PREX1: variants seen among roughly 807,000 people sequenced by gnomAD.
PREX1 encodes phosphatidylinositol-3,4,5-trisphosphate dependent Rac exchange factor 1.
In PREX1, 41 loss-of-function variants were observed where a neutral mutation model predicts 198.3. The ratio of observed to expected loss-of-function variants is 0.21; its 90% confidence interval spans 0.16 to 0.27. The LOEUF is 0.27. Ranked by LOEUF, PREX1 falls within the 10% of genes least tolerant of loss-of-function variation. The pLI is 1.00. For missense variants in PREX1, 1,620 were observed against 2,200.7 expected (o/e 0.74, Z 5.28); for synonymous variants, 843 against 887.2 (o/e 0.95, Z 0.89).
chr20:48,674,878 T>G (rs1280514806), intron 14 of PREX1, among the ~76,000 whole-genome samples: 1 of 152,198 alleles, frequency 6.6e-6, no homozygotes, highest in East Asian at 1.9e-4. Context: ...CACTGGGAAC[T>G]TTTTTGAAAG....
chr20:48,668,344 A>G (rs2089653376), intron 14 of PREX1, among the ~76,000 whole-genome samples: 1 of 152,204 alleles, frequency 6.6e-6, no homozygotes, highest in South Asian at 2.1e-4. Flanking sequence ...TCCCCGCTCA[A>G]TCCTAAGTGC....
At chr20:48,780,902 A>C (rs1182195484) in intron 1 of PREX1, among the ~76,000 whole-genome samples, 1 of 152,222 alleles carries the variant, frequency 6.6e-6, no homozygotes, top group Admixed American at 6.5e-5. Context: ...ATCTTAATTA[A>C]GTGTTAACAT....
chr20:48,792,965 A>T (rs529757795), intron 1 of PREX1, among the ~76,000 whole-genome samples: 1 of 152,066 alleles, frequency 6.6e-6, no homozygotes, highest in African/African-American at 2.4e-5. Context: ...CAGCACTTTG[A>T]GAGGCAAGTT....
At chr20:48,850,790 T>C in the PREX1 span, among the ~76,000 whole-genome samples, 3 of 152,262 alleles carry the variant, frequency 2.0e-5, no homozygotes, top group East Asian at 3.9e-4. Context: ...TCCGTGCCTC[T>C]GCACCTGCCA....
the PREX1 span, among the ~76,000 whole-genome samples, chr20:48,870,969 A>C: frequency 1.3e-4 from 5 of 38,328 alleles, no homozygotes; most frequent in African/African-American, 5.6e-4. Flanking sequence ...AAAAAAAAAA[A>C]AAAAAAAAAC....
intron 3 of PREX1, 87 bp downstream of exon 3, chr20:48,744,938 C>G: frequency 6.6e-7 from 1 of 1,521,996 alleles, no homozygotes; most frequent in Non-Finnish European, 8.9e-7. Flanking sequence ...ACAGAGGAAG[C>G]TGGTGAAGGC....
At chr20:48,637,680 T>C in intron 31 of PREX1, 31 bp downstream of exon 31, 1 of 1,589,698 alleles carries the variant, frequency 6.3e-7, no homozygotes, top group African/African-American at 1.3e-5. Context: ...AGGCCGGGTA[T>C]GTGCCCCCCA....
At chr20:48,824,904 G>A (rs917048542) in intron 1 of PREX1, among the ~76,000 whole-genome samples, 2 of 152,100 alleles carry the variant, frequency 1.3e-5, no homozygotes, top group Non-Finnish European at 2.9e-5. Flanking sequence ...AAGGACACAC[G>A]GAGACCAGGG....
At chr20:48,840,000 A>G in the PREX1 span, among the ~76,000 whole-genome samples, 1 of 152,064 alleles carries the variant, frequency 6.6e-6, no homozygotes, top group African/African-American at 2.4e-5. Context: ...GTTTATTACA[A>G]TTGCAATTAT....
At chr20:48,858,859 C>T in the PREX1 span, among the ~76,000 whole-genome samples, 1 of 152,178 alleles carries the variant, frequency 6.6e-6, no homozygotes, top group Non-Finnish European at 1.5e-5. Flanking sequence ...GTGCTACTCA[C>T]TGTACTGCGT....
chr20:48,887,811 G>T, the PREX1 span, among the ~76,000 whole-genome samples: 2 of 151,668 alleles, frequency 1.3e-5, no homozygotes, highest in Non-Finnish European at 2.9e-5. Flanking sequence ...TTAGCCGGGC[G>T]TGGTGGCGGG....
At chr20:48,841,115 T>C in the PREX1 span, among the ~76,000 whole-genome samples, 15 of 151,930 alleles carry the variant, frequency 9.9e-5, no homozygotes, top group African/African-American at 3.4e-4. Context: ...GATACGGGGT[T>C]TCACTATGTT....
At chr20:48,737,144 T>C (rs751957661) in intron 3 of PREX1, among the ~76,000 whole-genome samples, 1 of 146,832 alleles carries the variant, frequency 6.8e-6, no homozygotes. Flanking sequence ...ATCACCAGCA[T>C]GATTATTTCA....
rs149845938 is a variant in PREX1, at chr20:48,718,623, T to C, written c.621+7667A>G. ...TCAGATCAGATTTTAAATTGAACTCTATGGAGTTAACAAAAAAAGCACCTA... is the reference window on the plus strand; with the variant it reads ...TCAGATCAGATTTTAAATTGAACTCCATGGAGTTAACAAAAAAAGCACCTA... On this transcript the variant is annotated intron_variant, in intron 5 of 39. Transcript: ENST00000371941. 1.4e-4 allele frequency among the ~76,000 whole-genome samples: 21 copies of C among 152,278 alleles called. No individual in the cohort carries two copies. The East Asian group carries it at 3.9e-3, about 28-fold the overall frequency.
chr20:48,718,182 A>G (rs1601094593), intron 5 of PREX1, among the ~76,000 whole-genome samples: 1 of 152,198 alleles, frequency 6.6e-6, no homozygotes, highest in East Asian at 1.9e-4. Flanking sequence ...CCAGGCTCTG[A>G]CATTCAGGAG....
chr20:48,884,090 G>A, the PREX1 span, among the ~76,000 whole-genome samples: 6 of 148,438 alleles, frequency 4.0e-5, no homozygotes, highest in African/African-American at 1.0e-4. Flanking sequence ...GCAGTGAGCC[G>A]AGATCACCAC....
chr20:48,869,697 A>T, the PREX1 span, among the ~76,000 whole-genome samples: 1 of 152,204 alleles, frequency 6.6e-6, no homozygotes, highest in African/African-American at 2.4e-5. Flanking sequence ...CTTTGCAGGG[A>T]CATGGATGAA....
intron 25 of PREX1, among the ~76,000 whole-genome samples, chr20:48,648,226 A>T (rs2122886121): frequency 6.6e-6 from 1 of 152,354 alleles, no homozygotes; most frequent in Middle Eastern, 3.4e-3. Context: ...ATTTAAAACA[A>T]GTCCAAGATA....
rs926867344 is a variant in PREX1 at position 48,702,091 on chromosome 20, C to A, written c.784-1205G>T. Among the ~76,000 whole-genome samples, 7 of 152,178 alleles carry A rather than the reference C, an allele frequency of 4.6e-5. No individual in the cohort carries two copies. In the South Asian group the frequency reaches 1.2e-3, roughly 27 times the overall value. On this transcript the variant is annotated intron_variant, in intron 6 of 39. Coordinates refer to ENST00000371941, the MANE Select transcript of PREX1 (RefSeq NM_020820.4). The stretch of plus-strand genomic sequence containing the variant: ...AGGCATGATGGCAGATGCCTGTAAT[C>A]CCAGCTACTCGGGAGGCTGAGGCAG...
Sources: allele counts gnomAD v4.1 joint callset (sites outside exome capture counted in the v4.1 genomes callset), GRCh38; gene constraint gnomAD v4.1.1; transcripts MANE v1.5; gene names NCBI Gene and HGNC (gene_info 2026-07-23, HGNC 2026-07-21).